ZNF423: variants seen among roughly 807,000 people sequenced by gnomAD.
ZNF423 encodes zinc finger protein 423, also known as Ebf-associated zinc finger protein.
In ZNF423, 12 loss-of-function variants were observed where a neutral mutation model predicts 95.8. The observed-to-expected ratio is 0.13, with a 90% CI of 0.08 to 0.20. The LOEUF (loss-of-function observed/expected upper bound fraction) is 0.20. Among genes scored for constraint, ZNF423 ranks in the 10% least tolerant of loss-of-function variants. The pLI is 1.00. For synonymous variants in ZNF423, 749 were observed against 711.9 expected, an observed-to-expected ratio of 1.05 and a Z score of -0.83; for missense variants, 1,316 against 1,737.1, an observed-to-expected ratio of 0.76 and a Z score of 4.31.
At chr16:49,847,200 A>C (rs1319460708) in intron 1 of ZNF423, 2 of 152,248 alleles carry the variant, frequency 1.3e-5, no homozygotes, top group Non-Finnish European at 2.9e-5. Flanking sequence ...GAGGCAGTGA[A>C]GAGTTTGCAA....
chr16:49,805,303 T>A (rs2034644888), intron 1 of ZNF423, among the ~76,000 whole-genome samples: 1 of 152,220 alleles, frequency 6.6e-6, no homozygotes, highest in African/African-American at 2.4e-5. Context: ...AACCATCACA[T>A]ACCTGTAGTG....
upstream of ZNF423, among the ~76,000 whole-genome samples, chr16:49,858,238 G>C (rs1395393220): frequency 6.7e-6 from 1 of 149,010 alleles, no homozygotes; most frequent in Non-Finnish European, 1.5e-5. The surrounding 1 kb of genome is among the most constrained non-coding windows in gnomAD (Gnocchi z 4.3). Context: ...GGGCCGGCCG[G>C]GCCGCGGCGC....
At chr16:49,821,448 T>G (rs750779865) in intron 1 of ZNF423, among the ~76,000 whole-genome samples, 19 of 152,048 alleles carry the variant, frequency 1.2e-4, no homozygotes, top group Non-Finnish European at 2.6e-4. Flanking sequence ...TCCAACTGAT[T>G]CCATGCAAGC....
At chr16:49,687,772 CAGT>C (rs1366464822) in intron 3 of ZNF423, among the ~76,000 whole-genome samples, 3 of 152,190 alleles carry the variant, frequency 2.0e-5, no homozygotes, top group Admixed American at 6.5e-5. Flanking sequence ...CAGCCAGCAC[CAGT>C]TCCCGACAAA....
At chr16:49,649,462 G>A (rs1299202593) in intron 3 of ZNF423, among the ~76,000 whole-genome samples, 2 of 152,022 alleles carry the variant, frequency 1.3e-5, no homozygotes, top group Admixed American at 6.6e-5. Flanking sequence ...CTCCTAGTTC[G>A]GGTGGTTTTT....
chr16:49,611,724 A>T (rs1302031592), intron 5 of ZNF423, among the ~76,000 whole-genome samples: 1 of 152,050 alleles, frequency 6.6e-6, no homozygotes, highest in Admixed American at 6.5e-5. Flanking sequence ...AAGATTGATA[A>T]AATTGACAAT....
intron 5 of ZNF423, among the ~76,000 whole-genome samples, chr16:49,605,943 G>A (rs1971523422): frequency 6.6e-6 from 1 of 152,184 alleles, no homozygotes; most frequent in Non-Finnish European, 1.5e-5. Context: ...GTGATGGGAC[G>A]AATGAGAAAA....
intron 2 of ZNF423, among the ~76,000 whole-genome samples, chr16:49,742,635 C>A (rs548278377): frequency 6.6e-6 from 1 of 151,612 alleles, no homozygotes; most frequent in African/African-American, 2.4e-5. Context: ...GGAGCAGGGC[C>A]GGCGGTGGGC....
intron 3 of ZNF423, among the ~76,000 whole-genome samples, chr16:49,719,279 C>T (rs533735239): frequency 1.3e-5 from 2 of 152,282 alleles, no homozygotes; most frequent in South Asian, 4.1e-4. Context: ...AAGAGCAGCT[C>T]CACGTGACGG....
At position 49,702,905 on chromosome 16, in the gene ZNF423, A is replaced by ACGCG. The variant is rs1297746432; in HGVS notation, c.301+27865_301+27866insCGCG. Among the ~76,000 whole-genome samples the ACGCG allele has an allele frequency of 1.2e-3, 128 of 105,618 alleles. No individual in the cohort carries two copies. In the Middle Eastern group the frequency reaches 0.024, roughly 20 times the overall value. 69.3% of individuals were successfully genotyped at this position (105,618 alleles called of 152,430 possible). On this transcript the variant is annotated intron_variant, in intron 3 of 7. Coordinates refer to ENST00000563137, the MANE Select transcript of ZNF423 (RefSeq NM_001379286.1). ...GTGCCAAGCCAACCTGCCTGTGTGC[A>ACGCG]CACGCACACACACACACACACACAC...
chr16:49,534,727 G>A (rs1158290078), intron 5 of ZNF423, among the ~76,000 whole-genome samples: 1 of 152,128 alleles, frequency 6.6e-6, no homozygotes, highest in Non-Finnish European at 1.5e-5. Flanking sequence ...AAGACCCTTA[G>A]CACCTGGGAC....
intron 7 of ZNF423, among the ~76,000 whole-genome samples, chr16:49,506,207 G>T (rs1967629772): frequency 6.6e-6 from 1 of 152,220 alleles, no homozygotes; most frequent in African/African-American, 2.4e-5. Flanking sequence ...ATACTGGAGG[G>T]TGATGATGGT....
intron 5 of ZNF423, among the ~76,000 whole-genome samples, chr16:49,558,921 G>A (rs536661619): frequency 6.6e-6 from 1 of 152,348 alleles, no homozygotes; most frequent in South Asian, 2.1e-4. Flanking sequence ...GAGGGGCCCA[G>A]CAATGACATC....
chr16:49,493,086 C>T (rs1289154332), intron 7 of ZNF423, among the ~76,000 whole-genome samples: 1 of 152,124 alleles, frequency 6.6e-6, no homozygotes, highest in East Asian at 1.9e-4. Flanking sequence ...GGGATGCAGG[C>T]GGTTTCCATG....
chr16:49,783,629 A>C, intron 2 of ZNF423, among the ~76,000 whole-genome samples: 1 of 35,950 alleles, frequency 2.8e-5, no homozygotes, highest in South Asian at 1.1e-3. Context: ...GGCGGGAGAG[A>C]GGGGGGGTTA....
chr16:49,821,625 C>T (rs1296573857), intron 1 of ZNF423, among the ~76,000 whole-genome samples: 3 of 152,200 alleles, frequency 2.0e-5, no homozygotes, highest in Admixed American at 2.0e-4. Context: ...CTTTAAACCA[C>T]AGGTTGTAAC....
rs148923971 is a variant in ZNF423 at position 49,690,660 on chromosome 16, G to A, written c.301+40111C>T. Reference sequence around the variant, plus strand: ...AAGTACTGACCAGAGGGGTTCTGGAGGAGGCAGCGAGGGGGTACCACTGGG... The same window carrying A: ...AAGTACTGACCAGAGGGGTTCTGGAAGAGGCAGCGAGGGGGTACCACTGGG... On this transcript the variant is annotated intron_variant, in intron 3 of 7. Coordinates refer to ENST00000563137, the MANE Select transcript of ZNF423 (RefSeq NM_001379286.1). 1.4e-4 allele frequency among the ~76,000 whole-genome samples: 22 copies of A among 152,330 alleles called. No individual in the cohort carries two copies. The East Asian group carries it at 4.1e-3, about 28-fold the overall frequency.
At chr16:49,569,320 A>G (rs1970290995) in intron 5 of ZNF423, among the ~76,000 whole-genome samples, 1 of 152,256 alleles carries the variant, frequency 6.6e-6, no homozygotes, top group Admixed American at 6.5e-5. Flanking sequence ...GGGGGTCAAC[A>G]TACGAATCCT....
intron 3 of ZNF423, among the ~76,000 whole-genome samples, chr16:49,720,804 A>G (rs905194722): frequency 5.3e-5 from 8 of 152,178 alleles, no homozygotes; most frequent in African/African-American, 1.9e-4. Flanking sequence ...ACCACCATTC[A>G]GGGGAGCCCC....
Sources: allele counts gnomAD v4.1 joint callset (sites outside exome capture counted in the v4.1 genomes callset), GRCh38; gene constraint gnomAD v4.1.1; non-coding constraint Gnocchi (gnomAD v3.1); transcripts MANE v1.5; gene names NCBI Gene and HGNC (gene_info 2026-07-23, HGNC 2026-07-21).